SLC4A4: variants seen among roughly 807,000 people sequenced by gnomAD.
SLC4A4 encodes the protein electrogenic sodium bicarbonate cotransporter 1.
A neutral mutation model predicts 111.5 loss-of-function variants in SLC4A4; 27 were observed. The ratio of observed to expected loss-of-function variants is 0.24; its 90% CI spans 0.18 to 0.33. The LOEUF is 0.33. SLC4A4 is among the 10% of genes least tolerant of loss of function. The pLI is 1.00. For synonymous variants in SLC4A4, 443 were observed against 463.4 expected, an observed-to-expected ratio of 0.96 and a Z score of 0.57; for missense variants, 909 against 1,315.5, an observed-to-expected ratio of 0.69 and a Z score of 4.78.
At chr4:71,075,746 G>A (rs183958221) in intron 1 of SLC4A4, among the ~76,000 whole-genome samples, 539 of 152,210 alleles carry the variant, frequency 3.5e-3, no homozygotes, top group African/African-American at 0.012. Flanking sequence ...GAGGTGGGCA[G>A]ATCACAAGGT....
chr4:71,444,324 T>A (rs1725032675), intron 8 of SLC4A4, among the ~76,000 whole-genome samples: 1 of 152,186 alleles, frequency 6.6e-6, no homozygotes, highest in African/African-American at 2.4e-5. Context: ...TCCGCAGGCA[T>A]AATTAACTAT....
At chr4:71,365,395 C>T (rs1363123939) in intron 6 of SLC4A4, among the ~76,000 whole-genome samples, 3 of 152,084 alleles carry the variant, frequency 2.0e-5, no homozygotes, top group African/African-American at 7.2e-5. Flanking sequence ...GCTCTGGGAG[C>T]AATCGAAGTG....
In SLC4A4 at chr4:71,121,783, T is replaced by C. The variant is rs574413871; in HGVS notation, c.-2+28991T>C. Among the ~76,000 whole-genome samples the C allele has an allele frequency of 6.2e-4, 94 of 152,280 alleles. 3 individuals are homozygous for C. In the South Asian group the frequency reaches 0.019, roughly 32 times the overall value. On this transcript the variant is annotated intron_variant, in intron 2 of 26. Coordinates refer to the SLC4A4 transcript ENST00000649996. ...GCACTACTTGGGTCACCTTCCACGT[T>C]GTGGAAGCTTTGTTTTTTCGCTCTT...
chr4:71,213,779 CG>C (rs1457275588), intron 1 of SLC4A4, among the ~76,000 whole-genome samples: 2 of 152,056 alleles, frequency 1.3e-5, no homozygotes, highest in African/African-American at 4.8e-5. Flanking sequence ...AAGAGACATG[CG>C]AGAGATGATC....
At chr4:71,536,457 C>CATATATACATATATATATATAT (rs1734441203) in intron 18 of SLC4A4, among the ~76,000 whole-genome samples, 1 of 31,406 alleles carries the variant, frequency 3.2e-5, no homozygotes, top group Non-Finnish European at 6.3e-5. Flanking sequence ...TACATATATA[C>CATATATACATATATATATATAT]ATATATACAT....
At chr4:71,344,425 G>GT (rs566726867) in intron 4 of SLC4A4, among the ~76,000 whole-genome samples, 2 of 152,044 alleles carry the variant, frequency 1.3e-5, no homozygotes, top group African/African-American at 2.4e-5. Context: ...AGATATGATA[G>GT]TTTTTTCCCC....
intron 13 of SLC4A4, among the ~76,000 whole-genome samples, chr4:71,471,988 C>A (rs1373271136): frequency 6.6e-6 from 1 of 151,892 alleles, no homozygotes; most frequent in Non-Finnish European, 1.5e-5. Flanking sequence ...GATCTGATGA[C>A]AGATCATATT....
At chr4:71,416,807 C>A (rs767897501) in intron 7 of SLC4A4, among the ~76,000 whole-genome samples, 1 of 152,084 alleles carries the variant, frequency 6.6e-6, no homozygotes, top group Non-Finnish European at 1.5e-5. Context: ...GATTCAAAAT[C>A]TTAAATCTGG....
intron 16 of SLC4A4, among the ~76,000 whole-genome samples, chr4:71,511,695 C>A (rs1280719177): frequency 6.6e-6 from 1 of 151,910 alleles, no homozygotes; most frequent in Non-Finnish European, 1.5e-5. Flanking sequence ...TCACTCTAAC[C>A]TTTTATCAAA....
chr4:71,087,181 G>A lies in SLC4A4; in HGVS notation c.-64-5549G>A, dbSNP rs541639881. Among the ~76,000 whole-genome samples, 6 of 152,138 alleles carry A rather than the reference G, an allele frequency of 3.9e-5. No individual in the cohort carries two copies. The East Asian group carries it at 9.6e-4, about 24-fold the overall frequency. Reference sequence around the variant, plus strand: ...GTATCCATTTCTTCTAGATTTTCTAGTTTATTTGCATAGAGGTGTTTACAG... The same window carrying A: ...GTATCCATTTCTTCTAGATTTTCTAATTTATTTGCATAGAGGTGTTTACAG... On this transcript the variant is annotated intron_variant, in intron 1 of 26. Transcript: ENST00000649996.
rs551311656 is a variant in SLC4A4, at chr4:71,332,450, T to C, written c.254-6920T>C. Among the ~76,000 whole-genome samples, 660 of 149,776 alleles carry C rather than the reference T, an allele frequency of 4.4e-3. 7 individuals are homozygous for C. Among genetic ancestry groups the C allele is most frequent in the Middle Eastern group, 0.017 (5 of 290 alleles). On this transcript the variant is annotated intron_variant, in intron 3 of 25. Coordinates refer to ENST00000264485, the MANE Select transcript of SLC4A4 (RefSeq NM_001098484.3). Reference sequence around the variant, plus strand: ...CTCCTCTGACTGTGTATTTTCTTTTTTTTTTTTTTTTTGAGACGGAGTCTC... The same window carrying C: ...CTCCTCTGACTGTGTATTTTCTTTTCTTTTTTTTTTTTGAGACGGAGTCTC...
intron 3 of SLC4A4, among the ~76,000 whole-genome samples, chr4:71,289,430 C>T (rs185447358): frequency 2.6e-5 from 4 of 152,098 alleles, no homozygotes; most frequent in African/African-American, 2.4e-5. Flanking sequence ...GTAAGTAGTA[C>T]CAACATATTC....
chr4:71,193,610 G>T (rs1745853225), intron 1 of SLC4A4, among the ~76,000 whole-genome samples: 1 of 152,110 alleles, frequency 6.6e-6, no homozygotes, highest in African/African-American at 2.4e-5. Context: ...AAGGGGTTTT[G>T]TATGTCTTTT....
At chr4:71,376,156 T>TATACACACACACACAC (rs1553900734) in intron 6 of SLC4A4, among the ~76,000 whole-genome samples, 17 of 135,550 alleles carry the variant, frequency 1.3e-4, no homozygotes, top group African/African-American at 4.1e-4. Context: ...CCTGTATATA[T>TATACACACACACACAC]ACACACACAC....
chr4:71,415,394 G>T (rs928100893), intron 7 of SLC4A4, among the ~76,000 whole-genome samples: 5 of 151,868 alleles, frequency 3.3e-5, no homozygotes, highest in Non-Finnish European at 7.4e-5. Context: ...TATAATTATT[G>T]GTACCATTTA....
intron 3 of SLC4A4, among the ~76,000 whole-genome samples, chr4:71,333,586 G>T (rs533827473): frequency 1.3e-5 from 2 of 152,338 alleles, no homozygotes; most frequent in African/African-American, 4.8e-5. Flanking sequence ...TCACCATGTG[G>T]TGAATCCAGC....
intron 2 of SLC4A4, among the ~76,000 whole-genome samples, chr4:71,092,862 C>T (rs1325018993): frequency 1.3e-5 from 2 of 152,048 alleles, no homozygotes; most frequent in African/African-American, 4.8e-5. Context: ...TTTGGGAGGC[C>T]GAGGCTGGCA....
chr4:71,391,031 T>C (rs998186138), intron 6 of SLC4A4, among the ~76,000 whole-genome samples: 1 of 152,072 alleles, frequency 6.6e-6, no homozygotes. Context: ...GTAGGTTTGT[T>C]ATGCCAACAA....
intron 12 of SLC4A4, among the ~76,000 whole-genome samples, chr4:71,453,925 A>G (rs925027867): frequency 7.9e-5 from 12 of 152,144 alleles, no homozygotes; most frequent in African/African-American, 2.9e-4. Flanking sequence ...ATACAATTCT[A>G]TTTGGGCAAA....
Sources: gnomAD v4.1 joint callset for allele counts (sites outside exome capture counted in the v4.1 genomes callset) on GRCh38, gnomAD v4.1.1 for gene constraint, MANE v1.5 for transcripts, NCBI Gene and HGNC (gene_info 2026-07-23, HGNC 2026-07-21) for gene names.